The following SCAPER variants were observed in gnomAD, a reference collection of about 807,000 sequenced individuals.
SCAPER encodes S phase cyclin A-associated protein in the endoplasmic reticulum.
A neutral mutation model predicts 182.2 loss-of-function variants in SCAPER; 98 were observed. The ratio of observed to expected loss-of-function variants is 0.54; its 90% CI spans 0.46 to 0.64. The LOEUF (loss-of-function observed/expected upper bound fraction) is 0.64. Ranked by LOEUF, SCAPER falls within the 30% of genes least tolerant of loss-of-function variation. The pLI is 0.00. For synonymous variants in SCAPER, 605 were observed against 564.6 expected (o/e 1.07, Z -1.01); for missense variants, 1,432 against 1,690.0 (o/e 0.85, Z 2.68).
chr15:76,887,649 A>G (rs774447212), intron 1 of SCAPER, among the ~76,000 whole-genome samples: 1 of 152,188 alleles, frequency 6.6e-6, no homozygotes, highest in African/African-American at 2.4e-5. Context: ...AGCAGCCAGG[A>G]GGCTCGAACT....
At chr15:76,359,413 G>GCTGGC (rs2141710418) in intron 29 of SCAPER, among the ~76,000 whole-genome samples, 1 of 152,374 alleles carries the variant, frequency 6.6e-6, no homozygotes, top group East Asian at 1.9e-4. Flanking sequence ...TGCAGTGGCA[G>GCTGGC]AGTAGGAAAT....
intron 21 of SCAPER, among the ~76,000 whole-genome samples, chr15:76,659,372 G>C (rs1436042711): frequency 3.3e-5 from 5 of 152,112 alleles, no homozygotes; most frequent in African/African-American, 1.2e-4. Context: ...CCAGGCTCAA[G>C]TGATCCTCTT....
intron 21 of SCAPER, among the ~76,000 whole-genome samples, chr15:76,644,923 A>T (rs1235702629): frequency 1.3e-5 from 2 of 151,968 alleles, no homozygotes; most frequent in East Asian, 3.9e-4. Context: ...TTTTAACAGT[A>T]GCCTTATTCT....
intron 29 of SCAPER, among the ~76,000 whole-genome samples, chr15:76,360,522 T>A (rs752013343): frequency 2.6e-5 from 4 of 152,228 alleles, no homozygotes; most frequent in Non-Finnish European, 4.4e-5. Flanking sequence ...AGCCCATTCC[T>A]TCCTGGGCAG....
chr15:76,409,012 C>T (rs4886801), intron 26 of SCAPER, among the ~76,000 whole-genome samples: 33,936 of 152,056 alleles, frequency 0.22, 4,710 homozygotes, highest in Admixed American at 0.35. Flanking sequence ...TTCTGAGTAT[C>T]GTCTCCTATA....
At chr15:76,674,259 AC>A (rs1279115949) in intron 20 of SCAPER, among the ~76,000 whole-genome samples, 2 of 152,208 alleles carry the variant, frequency 1.3e-5, no homozygotes, top group Non-Finnish European at 2.9e-5. Context: ...AAAATAAAAA[AC>A]AATCAAACAT....
At chr15:76,804,050 T>A (rs2065967321) in intron 6 of SCAPER, among the ~76,000 whole-genome samples, 1 of 152,208 alleles carries the variant, frequency 6.6e-6, no homozygotes. Context: ...ATACTGTATC[T>A]TTCCCTACTA....
chr15:76,825,698 T>G (rs1490971688), intron 5 of SCAPER, among the ~76,000 whole-genome samples: 1 of 152,190 alleles, frequency 6.6e-6, no homozygotes. Context: ...AATCATAACC[T>G]TTCCTACTAC....
At chr15:76,541,221 T>TA (rs5813842) in intron 23 of SCAPER, among the ~76,000 whole-genome samples, 90,618 of 144,232 alleles carry the variant, frequency 0.63, 27,990 homozygotes, top group African/African-American at 0.77. Context: ...AATGTTTTAT[T>TA]AAAAAATATA....
At chr15:76,633,409 G>C (rs1597822716) in intron 21 of SCAPER, among the ~76,000 whole-genome samples, 1 of 152,230 alleles carries the variant, frequency 6.6e-6, no homozygotes, top group East Asian at 1.9e-4. Context: ...GGAGGAACGG[G>C]ATCAGGGTCT....
At chr15:76,453,599 A>G (rs1374843694) in intron 25 of SCAPER, among the ~76,000 whole-genome samples, 1 of 152,204 alleles carries the variant, frequency 6.6e-6, no homozygotes, top group Non-Finnish European at 1.5e-5. Flanking sequence ...GGTAGCAGAC[A>G]GTTCTGATTT....
At chr15:76,627,951 GT>G in intron 21 of SCAPER, among the ~76,000 whole-genome samples, 1 of 152,138 alleles carries the variant, frequency 6.6e-6, no homozygotes. Flanking sequence ...ACTAGCCTCT[GT>G]TGTTTCTTGA....
At position 76,819,846 on chromosome 15, in the gene SCAPER, G is replaced by A. The variant is rs141101547; in HGVS notation, c.394-15213C>T. 4.4e-3 allele frequency among the ~76,000 whole-genome samples: 666 copies of A among 152,182 alleles called. 7 individuals carry two copies. Among genetic ancestry groups the A allele is most frequent in the African/African-American group, 0.015 (634 of 41,500 alleles). On this transcript the variant is annotated intron_variant, in intron 5 of 31. Transcript: ENST00000563290. Reference sequence around the variant, plus strand: ...GAAAATTTTTGCAAGCTACTCATCTGACAAAGAGCTAATATCCAGAATCTA... The same window carrying A: ...GAAAATTTTTGCAAGCTACTCATCTAACAAAGAGCTAATATCCAGAATCTA...
At chr15:76,600,453 ATT>A (rs57171362) in intron 22 of SCAPER, among the ~76,000 whole-genome samples, 11,387 of 70,394 alleles carry the variant, frequency 0.16, 3,066 homozygotes, top group Middle Eastern at 0.31. Flanking sequence ...ATATATATAT[ATT>A]TTTTTTTTTT....
At chr15:76,785,861 C>T (rs943216048) in intron 8 of SCAPER, among the ~76,000 whole-genome samples, 6 of 152,086 alleles carry the variant, frequency 3.9e-5, no homozygotes, top group African/African-American at 1.4e-4. Flanking sequence ...GAACATCACA[C>T]ACTGGGGCCT....
intron 22 of SCAPER, among the ~76,000 whole-genome samples, chr15:76,614,356 C>A (rs557375101): frequency 2.6e-5 from 4 of 152,038 alleles, no homozygotes; most frequent in Admixed American, 1.3e-4. Context: ...AAGTTTACTA[C>A]CTATGTAACA....
In SCAPER at chr15:76,511,843, A is replaced by ATGTGTGTGTGTGTGTGTG. The variant is rs1555461783; in HGVS notation, c.2839-6887_2839-6870dup. Among the ~76,000 whole-genome samples the ATGTGTGTGTGTGTGTGTG allele has an allele frequency of 1.1e-3, 138 of 123,262 alleles. 2 individuals are homozygous for ATGTGTGTGTGTGTGTGTG. Among genetic ancestry groups the ATGTGTGTGTGTGTGTGTG allele is most frequent in the African/African-American group, 3.0e-3 (88 of 29,784 alleles). The allele number at this position is 123,262 out of a possible 152,430, so 80.9% of individuals were successfully genotyped here. ...AGATACACTTATTATATATATATATATGTGTGTGTGTGTGTGTGTGTGTGT... is the reference window on the plus strand; with the variant it reads ...AGATACACTTATTATATATATATATATGTGTGTGTGTGTGTGTGTGTGTGTGTGTGTGTGTGTGTGTGT... On this transcript the variant is annotated intron_variant, in intron 23 of 31. Transcript: ENST00000563290.
chr15:76,788,606 T>C (rs1041192277), intron 8 of SCAPER, among the ~76,000 whole-genome samples: 7 of 152,156 alleles, frequency 4.6e-5, no homozygotes, highest in African/African-American at 1.7e-4. Context: ...AAACTGTATG[T>C]TCGTATGTTG....
chr15:76,636,459 A>T lies in SCAPER; in HGVS notation c.2646-14630T>A, dbSNP rs1318931990. On this transcript the variant is annotated intron_variant, in intron 21 of 31. Transcript: ENST00000563290. ...GACTAAGTACATTTACCTTTAAATT[A>T]AAAAAAAAAAAAAATCTCTCAGGTG... 7.9e-5 allele frequency among the ~76,000 whole-genome samples: 8 copies of T among 101,586 alleles called. No individual in the cohort carries two copies. In the East Asian group the frequency reaches 8.1e-4, roughly 10 times the overall value. 66.6% of individuals were successfully genotyped at this position (101,586 alleles called of 152,430 possible). A position where few individuals can be genotyped will look rare whatever the true frequency, so the allele number is the denominator to read the frequency against.
Sources: allele counts gnomAD v4.1 joint callset (sites outside exome capture counted in the v4.1 genomes callset), GRCh38; gene constraint gnomAD v4.1.1; transcripts MANE v1.5; gene names NCBI Gene and HGNC (gene_info 2026-07-23, HGNC 2026-07-21).